The following POLRMT variants were observed in gnomAD, a reference collection of about 807,000 sequenced individuals.
POLRMT encodes the protein DNA-directed RNA polymerase, mitochondrial.
POLRMT carries 114 observed loss-of-function variants against 132.2 expected under a neutral mutation model. That is an observed-to-expected ratio of 0.86 (90% confidence interval 0.74 to 1.01). The LOEUF is 1.01. Among genes scored for constraint, POLRMT ranks in the 50% least tolerant of loss-of-function variants. The pLI, the probability that POLRMT is intolerant of heterozygous loss-of-function variation, is 0.00. For synonymous variants in POLRMT, 1,020 were observed against 773.4 expected (o/e 1.32, Z -5.29); for missense variants, 2,003 against 1,729.1 (o/e 1.16, Z -2.81).
In POLRMT at chr19:617,858, G is replaced by C. The variant is rs778496835; in HGVS notation, c.3423-9C>G. ...CGAAGGTCAGGCCCTTCCTGTGGCA[G>C]AGCGGAGGACTCCTGAAGGGAGGGG... On this transcript the variant is annotated splice_polypyrimidine_tract_variant and intron_variant, in intron 17 of 20. Coordinates refer to ENST00000588649, the MANE Select transcript of POLRMT (RefSeq NM_005035.4). The C allele has an allele frequency of 3.1e-6, 5 of 1,612,768 alleles. No individual in the cohort carries two copies. The South Asian group carries it at 4.4e-5, about 14-fold the overall frequency.
In POLRMT at chr19:617,272, T is replaced by C. The variant is rs905712994; in HGVS notation, c.*2A>G. ...TTACACACTGACAAGGCTCACGGGG[T>C]GTCAGCTGAAGAAGTAGGTGGAACG... On this transcript the variant is annotated 3_prime_UTR_variant, in exon 21 of 21. Coordinates refer to ENST00000588649, the MANE Select transcript of POLRMT (RefSeq NM_005035.4). 9 of 1,612,576 alleles carry C rather than the reference T, an allele frequency of 5.6e-6. No individual in the cohort carries two copies. Among genetic ancestry groups the C allele is most frequent in the Non-Finnish European group, 6.8e-6 (8 of 1,179,812 alleles).
rs896727808 is a variant in POLRMT at position 618,033 on chromosome 19, G to A, written c.3423-184C>T. 6.8e-5 allele frequency: 41 copies of A among 606,502 alleles called. 1 individual carries two copies. In the South Asian group the frequency reaches 7.8e-4, roughly 12 times the overall value. 37.6% of individuals were successfully genotyped at this position (606,502 alleles called of 1,614,324 possible). A position where few individuals can be genotyped will look rare whatever the true frequency, so the allele number is the denominator to read the frequency against. On this transcript the variant is annotated intron_variant, in intron 17 of 20. Transcript: ENST00000588649. ...TCCTGGGTTAGGTATCAGTACAGGG[G>A]GAGGAAATGTTCCCAGAAGCCTCCT...
Position 625,166 on chromosome 19 carries a change from T to G in POLRMT, c.911A>C (p.Gln304Pro). Residue 304 changes from glutamine to proline, a missense_variant, in exon 4 of 21, where the codon CAG becomes CCG. Coordinates refer to ENST00000588649, the MANE Select transcript of POLRMT (RefSeq NM_005035.4). The stretch of plus-strand genomic sequence containing the variant: ...GTCCTGGTCCTGCCTCCCCATGCAC[T>G]GGAGGGCAGCCGCATAGGACAGCAG... ...PDLLSYAAAL[Q>P]CMGRQDQDAG... 1 of 1,613,822 alleles carries G rather than the reference T, an allele frequency of 6.2e-7. No homozygotes were observed. Among genetic ancestry groups the G allele is most frequent in the East Asian group, 2.2e-5 (1 of 44,872 alleles).
chr19:624,383 C>T (rs1440554212), intron 5 of POLRMT, among the ~76,000 whole-genome samples: 1 of 152,196 alleles, frequency 6.6e-6, no homozygotes, highest in Non-Finnish European at 1.5e-5. Context: ...TGAATTACAC[C>T]TTTAAGAGGG....
intron 20 of POLRMT, 41 bp from the exon 21 acceptor site, chr19:617,364 G>A: frequency 6.2e-7 from 1 of 1,612,446 alleles, no homozygotes; most frequent in Non-Finnish European, 8.5e-7. Context: ...TGGCGGGAAA[G>A]CCCCGCCCTG....
In POLRMT at chr19:620,945, G is replaced by A. The variant is rs1477889110; in HGVS notation, c.2640+113C>T. On this transcript the variant is annotated intron_variant, in intron 10 of 20. Coordinates refer to ENST00000588649, the MANE Select transcript of POLRMT (RefSeq NM_005035.4). ...GGCAGGGGGCGCCAGGGGAGGGGGA[G>A]GGGAGGAGGAAGACGGGCAGGGGGC... is the stretch of plus-strand genomic sequence containing the variant. The A allele has an allele frequency of 5.3e-5, 21 of 397,788 alleles. 1 individual carries two copies. The highest frequency in any genetic ancestry group is 8.2e-5 in the Non-Finnish European group (21 of 257,588). The allele number at this position is 397,788 out of a possible 1,614,324, so 24.6% of individuals were successfully genotyped here.
rs755606995 is a variant in POLRMT at position 624,817 on chromosome 19, G to A, written c.1042C>T (p.Leu348=). ...GGCTTCACCTTGTGCACGGCCTTCA[G>A]AACAGTGGCCCGATCCTCCTCAGAC... ...LLSEEDRATV[L]KAVHKVKPTF... is the part of the protein sequence containing the mutation. Residue 348 remains leucine (L), a synonymous_variant, in exon 5 of 21, where the codon CTG becomes TTG. Coordinates refer to ENST00000588649, the MANE Select transcript of POLRMT (RefSeq NM_005035.4). 73 of 1,613,510 alleles carry A rather than the reference G, an allele frequency of 4.5e-5. 4 individuals are homozygous for A. In the South Asian group the frequency reaches 8.0e-4, roughly 18 times the overall value.
At position 617,563 on chromosome 19, in the gene POLRMT, G is replaced by C. The variant is rs55851991; in HGVS notation, c.3581+7C>G. Reference sequence around the variant, plus strand: ...ATCCAGGTAGTTGGGGTCAGGGAGCGCCTTACTCAGAGCAGAACCGCTTGA... The same window carrying C: ...ATCCAGGTAGTTGGGGTCAGGGAGCCCCTTACTCAGAGCAGAACCGCTTGA... On this transcript the variant is annotated splice_region_variant and intron_variant, in intron 19 of 20. Coordinates refer to ENST00000588649, the MANE Select transcript of POLRMT (RefSeq NM_005035.4). 847 of 1,611,280 alleles carry C rather than the reference G, an allele frequency of 5.3e-4. 14 individuals carry two copies. In the East Asian group the frequency reaches 0.018, roughly 35 times the overall value.
At position 624,731 on chromosome 19, in the gene POLRMT, G is replaced by A. The variant is rs758088971; in HGVS notation, c.1128C>T (p.Asp376=). 15 of 1,613,340 alleles carry A rather than the reference G, an allele frequency of 9.3e-6. No homozygotes were observed. The Admixed American group carries it at 1.0e-4, about 11-fold the overall frequency. The part of the protein sequence containing the change: ...PPVNTSKLLR[D]VYAKDGRVSY... Reference sequence around the variant, plus strand: ...CACGTGGGCTCACCTTGGCATACACGTCCCTGAGCAGCTTGGAGGTGTTGA... The same window carrying A: ...CACGTGGGCTCACCTTGGCATACACATCCCTGAGCAGCTTGGAGGTGTTGA... The change falls in exon 5 of 21, where the codon GAC becomes GAT. Residue 376 remains aspartate (D), a synonymous_variant. Transcript: ENST00000588649.
At chr19:621,888 G>C (rs1429031522) in intron 9 of POLRMT, 42 bp from the exon 10 acceptor site, 2 of 1,592,304 alleles carry the variant, frequency 1.3e-6, no homozygotes, top group Non-Finnish European at 1.7e-6. Flanking sequence ...CCGGTGCTGG[G>C]GCTTTCCTGT....
At chr19:617,955 G>C in intron 17 of POLRMT, 106 bp from the exon 18 acceptor site, 1 of 1,035,710 alleles carries the variant, frequency 9.7e-7, no homozygotes, top group Non-Finnish European at 1.5e-6. Flanking sequence ...GTCCAGGGAA[G>C]CCCACCCTCC....
In POLRMT at chr19:621,634, C is replaced by T. The variant is rs778815678; in HGVS notation, c.2064G>A (p.Pro688=). 1.6e-5 allele frequency: 25 copies of T among 1,529,498 alleles called. No homozygotes were observed. The East Asian group carries it at 4.8e-4, about 30-fold the overall frequency. 94.7% of individuals were successfully genotyped at this position (1,529,498 alleles called of 1,614,324 possible). A position where few individuals can be genotyped will look rare whatever the true frequency, so the allele number is the denominator to read the frequency against. ...TQHQELLETC[P]PTALHGALDA... ...CCAGTGCGCCATGCAGCGCGGTGGG[C>T]GGGCAGGTTTCCAGCAGCTCCTGGT... The change falls in exon 10 of 21, where the codon CCG becomes CCA. Residue 688 remains proline, a synonymous_variant. Coordinates refer to ENST00000588649, the MANE Select transcript of POLRMT (RefSeq NM_005035.4).
chr19:623,121 C>T, intron 6 of POLRMT, 136 bp from the exon 7 acceptor site: 1 of 1,186,922 alleles, frequency 8.4e-7, no homozygotes, highest in Non-Finnish European at 1.2e-6. Flanking sequence ...GGTAGCTCCT[C>T]ACCCCGGCCT....
intron 9 of POLRMT, 69 bp downstream of exon 9, chr19:622,080 G>GC: frequency 7.1e-7 from 1 of 1,400,006 alleles, no homozygotes; most frequent in Non-Finnish European, 9.6e-7. Context: ...GCCCAAAGGC[G>GC]CCAACCCCAT....
rs41563535 is a variant in POLRMT, at chr19:623,747, C to T, written c.1141-144G>A. 1.4e-3 allele frequency: 1,451 copies of T among 1,040,182 alleles called. 12 individuals are homozygous for T. In the African/African-American group the frequency reaches 0.021, roughly 15 times the overall value. 64.4% of individuals were successfully genotyped at this position (1,040,182 alleles called of 1,614,324 possible). A position where few individuals can be genotyped will look rare whatever the true frequency, so the allele number is the denominator to read the frequency against. On this transcript the variant is annotated intron_variant, in intron 5 of 20. Coordinates refer to ENST00000588649, the MANE Select transcript of POLRMT (RefSeq NM_005035.4). ...CGCTGACGCGGGGAAAGGCGGGCTG[C>T]GGGTAAAGTCAGTGCCAGCAGTGCA...
At chr19:620,597 T>G in intron 10 of POLRMT, 110 bp from the exon 11 acceptor site, 1 of 1,328,936 alleles carries the variant, frequency 7.5e-7, no homozygotes, top group South Asian at 1.5e-5. Flanking sequence ...ACACCCGTGA[T>G]AGTGAACACG....
chr19:619,129 C>G lies in POLRMT; in HGVS notation c.3154-19G>C. 6.2e-7 allele frequency: 1 copy of G among 1,611,288 alleles called. No homozygotes were observed. The highest frequency in any genetic ancestry group is 2.2e-5 in the East Asian group (1 of 44,866). Reference sequence around the variant, plus strand: ...GCCAGTGCTGTGGGACACAGGCCGTCTCAGGGCAGGGGGCTCAGGCCGGGG... The same window carrying G: ...GCCAGTGCTGTGGGACACAGGCCGTGTCAGGGCAGGGGGCTCAGGCCGGGG... On this transcript the variant is annotated intron_variant, in intron 14 of 20. Transcript: ENST00000588649.
At chr19:633,329 A>G in intron 1 of POLRMT, 96 bp downstream of exon 1, 6 of 1,343,968 alleles carry the variant, frequency 4.5e-6, no homozygotes, top group Non-Finnish European at 5.8e-6. Flanking sequence ...GCCCAGGTGC[A>G]AAGAGGCAAA....
Position 625,131 on chromosome 19 carries a change from T to C in POLRMT, c.946A>G (p.Ile316Val), listed in dbSNP as rs115263594. ...CCTCCCGACACCACCTACCTTTCGATGGTCCCGGCGTCCTGGTCCTGCCTC... is the reference window on the plus strand; with the variant it reads ...CCTCCCGACACCACCTACCTTTCGACGGTCCCGGCGTCCTGGTCCTGCCTC... ...MGRQDQDAGT[I>V]ERCLEQMSQE... is the part of the protein sequence containing the mutation. The change falls in exon 4 of 21, where the codon ATC becomes GTC. Residue 316 changes from isoleucine (I) to valine (V), a missense_variant. By Grantham distance (29) the Ile-to-Val change is conservative. Coordinates refer to ENST00000588649, the MANE Select transcript of POLRMT (RefSeq NM_005035.4). 949 of 1,612,738 alleles carry C rather than the reference T, an allele frequency of 5.9e-4. 7 individuals are homozygous for C. In the African/African-American group the frequency reaches 0.011, roughly 19 times the overall value.
Sources: gnomAD v4.1 joint callset for allele counts (sites outside exome capture counted in the v4.1 genomes callset) on GRCh38, gnomAD v4.1.1 for gene constraint, MANE v1.5 for transcripts, NCBI Gene and HGNC (gene_info 2026-07-23, HGNC 2026-07-21) for gene names.